Variants in RGS8 observed in about 807,000 individuals in gnomAD.
RGS8 encodes the protein regulator of G protein signaling 8.
RGS8 carries 8 observed loss-of-function variants against 21.7 expected under a neutral mutation model. The ratio of observed to expected loss-of-function variants is 0.37; its 90% CI spans 0.22 to 0.66. The LOEUF is 0.66. Ranked by LOEUF, RGS8 falls within the 30% of genes least tolerant of loss-of-function variation. The pLI is 0.59. For synonymous variants in RGS8, 80 were observed against 83.6 expected (o/e 0.96, Z 0.24); for missense variants, 157 against 217.9 (o/e 0.72, Z 1.76).
At chr1:182,713,216 C>A in the RGS8 span, among the ~76,000 whole-genome samples, 1 of 152,178 alleles carries the variant, frequency 6.6e-6, no homozygotes, top group Non-Finnish European at 1.5e-5. Flanking sequence ...CAGAGTCTTG[C>A]TCTGTCACCT....
the RGS8 span, among the ~76,000 whole-genome samples, chr1:182,692,800 G>A: frequency 6.6e-6 from 1 of 151,920 alleles, no homozygotes; most frequent in Non-Finnish European, 1.5e-5. Context: ...AATAGAACAG[G>A]TTAGAGAACC....
At chr1:182,672,790 C>T (rs750501735), upstream of RGS8, 1 of 1,613,738 alleles carries the variant, frequency 6.2e-7, no homozygotes, top group Non-Finnish European at 8.5e-7. Context: ...CTGTCTTTTC[C>T]ATTTCTTTCT....
chr1:182,714,913 C>A, the RGS8 span, among the ~76,000 whole-genome samples: 1 of 152,164 alleles, frequency 6.6e-6, no homozygotes, highest in African/African-American at 2.4e-5. Flanking sequence ...TTGGCTTATT[C>A]AGAGTCCAAA....
chr1:182,673,722 T>C (rs6670735), upstream of RGS8, among the ~76,000 whole-genome samples: 42,594 of 152,164 alleles, frequency 0.28, 7,437 homozygotes, highest in Non-Finnish European at 0.38. Context: ...TGTTGCTAAT[T>C]GGGGTTTAGA....
intron 5 of RGS8, chr1:182,658,264 T>C (rs1022345841): frequency 2.0e-5 from 3 of 152,206 alleles, no homozygotes; most frequent in African/African-American, 7.2e-5. Context: ...TCACTATGAA[T>C]GAGCAGTGCA....
chr1:182,732,272 T>TACACACACACACAC, the RGS8 span, among the ~76,000 whole-genome samples: 338 of 132,580 alleles, frequency 2.5e-3, 4 homozygotes, highest in African/African-American at 8.6e-3. Context: ...CTCTCTCTCA[T>TACACACACACACAC]ACACACACAC....
At position 182,663,476 on chromosome 1, in the gene RGS8, TC is replaced by T. The variant is rs575112473; in HGVS notation, c.193+2492del. 8.5e-5 allele frequency among the ~76,000 whole-genome samples: 13 copies of T among 152,304 alleles called. No individual in the cohort carries two copies. The South Asian group carries it at 2.7e-3, about 32-fold the overall frequency. ...AGGAAGGATCACAAAACTTCAAAGT[TC>T]AAAAAGCCTATTTCTGCAGTAGTTT... On this transcript the variant is annotated intron_variant, in intron 5 of 6. Transcript: ENST00000483095.
chr1:182,743,394 G>A, the RGS8 span, among the ~76,000 whole-genome samples: 1 of 151,978 alleles, frequency 6.6e-6, no homozygotes, highest in Non-Finnish European at 1.5e-5. Context: ...CTTATATATA[G>A]ACCAAGCAAA....
the RGS8 span, among the ~76,000 whole-genome samples, chr1:182,736,504 T>G: frequency 6.6e-6 from 1 of 152,248 alleles, no homozygotes. Flanking sequence ...GATATCTGCA[T>G]TTTTACCAAA....
chr1:182,657,748 G>T (rs1445977865), intron 5 of RGS8, among the ~76,000 whole-genome samples: 1 of 152,212 alleles, frequency 6.6e-6, no homozygotes, highest in Non-Finnish European at 1.5e-5. Flanking sequence ...ATAGGGTTCT[G>T]GGATGTGGTA....
chr1:182,726,529 G>A, the RGS8 span, among the ~76,000 whole-genome samples: 1 of 152,272 alleles, frequency 6.6e-6, no homozygotes, highest in East Asian at 1.9e-4. Context: ...AATTAGCCGA[G>A]CATGGTGGTG....
At chr1:182,743,242 T>A in the RGS8 span, among the ~76,000 whole-genome samples, 1 of 152,228 alleles carries the variant, frequency 6.6e-6, no homozygotes, top group African/African-American at 2.4e-5. Context: ...AGAAGTTGAA[T>A]GAACATGTAT....
chr1:182,722,574 C>G, the RGS8 span, among the ~76,000 whole-genome samples: 2 of 152,056 alleles, frequency 1.3e-5, no homozygotes, highest in Non-Finnish European at 2.9e-5. Flanking sequence ...TCTGGTGGCT[C>G]CCAGCAGTCC....
At chr1:182,655,184 G>A (rs1231006293) in intron 5 of RGS8, among the ~76,000 whole-genome samples, 4 of 152,206 alleles carry the variant, frequency 2.6e-5, no homozygotes, top group African/African-American at 9.6e-5. Flanking sequence ...ATGCTAAACT[G>A]CAAAGCCAGC....
chr1:182,663,815 C>T (rs1663719509), intron 5 of RGS8, among the ~76,000 whole-genome samples: 1 of 152,138 alleles, frequency 6.6e-6, no homozygotes, highest in Non-Finnish European at 1.5e-5. Flanking sequence ...AGGCACATGC[C>T]ACCACATCCA....
chr1:182,695,166 C>T, the RGS8 span, among the ~76,000 whole-genome samples: 4 of 152,138 alleles, frequency 2.6e-5, no homozygotes, highest in Admixed American at 1.3e-4. Context: ...AGGTATTTGG[C>T]AAGAACACCT....
the RGS8 span, among the ~76,000 whole-genome samples, chr1:182,724,224 A>C: frequency 3.8e-3 from 420 of 110,898 alleles, 8 homozygotes; most frequent in African/African-American, 0.012. Flanking sequence ...ATATATATAT[A>C]TATATATATA....
the RGS8 span, among the ~76,000 whole-genome samples, chr1:182,735,255 T>C: frequency 6.6e-6 from 1 of 152,182 alleles, no homozygotes; most frequent in African/African-American, 2.4e-5. Flanking sequence ...CATCAAACAT[T>C]TTAATGCATC....
At chr1:182,682,977 C>T (rs1239127430) in intron 1 of RGS8, among the ~76,000 whole-genome samples, 1 of 152,206 alleles carries the variant, frequency 6.6e-6, no homozygotes, top group African/African-American at 2.4e-5. Context: ...GTTTCATTCA[C>T]CTGGACAAGA....
Sources: allele counts gnomAD v4.1 joint callset (sites outside exome capture counted in the v4.1 genomes callset), GRCh38; gene constraint gnomAD v4.1.1; transcripts MANE v1.5; gene names NCBI Gene and HGNC (gene_info 2026-07-23, HGNC 2026-07-21).